LAMP1: variants seen among roughly 807,000 people sequenced by gnomAD.
LAMP1 encodes lysosome associated membrane protein 1.
In LAMP1, 7 loss-of-function variants were observed where a neutral mutation model predicts 37.5. The observed-to-expected ratio is 0.19, with a 90% CI of 0.11 to 0.35. The LOEUF is 0.35. Ranked by LOEUF, LAMP1 falls within the 10% of genes least tolerant of loss-of-function variation. LAMP1 has a pLI of 1.00. For synonymous variants in LAMP1, 236 were observed against 229.1 expected, an observed-to-expected ratio of 1.03 and a Z score of -0.27; for missense variants, 537 against 552.8, an observed-to-expected ratio of 0.97 and a Z score of 0.29.
At chr13:113,304,014 G>A (rs985874678) in intron 1 of LAMP1, among the ~76,000 whole-genome samples, 4 of 152,070 alleles carry the variant, frequency 2.6e-5, no homozygotes, top group African/African-American at 4.8e-5. Context: ...GAACCTGGGA[G>A]GTGGAGGGCT....
chr13:113,307,691 G>A (rs899649404), intron 2 of LAMP1, among the ~76,000 whole-genome samples: 1 of 151,448 alleles, frequency 6.6e-6, no homozygotes, highest in Non-Finnish European at 1.5e-5. Flanking sequence ...ATGTTCCTTA[G>A]TGGTTTTGTT....
rs1212502121 is a variant in LAMP1, at chr13:113,316,613, G to A, written c.563-2856G>A. Among the ~76,000 whole-genome samples the A allele has an allele frequency of 3.9e-5, 6 of 152,132 alleles. No individual in the cohort carries two copies. The East Asian group carries it at 1.2e-3, about 29-fold the overall frequency. ...AATTTTTGTATTTTTAGTAGAGACG[G>A]GGTTTCACCGTGTTAACCAGGATGG... On this transcript the variant is annotated intron_variant, in intron 4 of 8. Transcript: ENST00000332556.
At chr13:113,313,942 G>C (rs572471225) in intron 4 of LAMP1, among the ~76,000 whole-genome samples, 1 of 90,844 alleles carries the variant, frequency 1.1e-5, no homozygotes, top group Non-Finnish European at 1.9e-5. Context: ...CCTAGAGGGA[G>C]TCAGTGTGGA....
At position 113,309,673 on chromosome 13, in the gene LAMP1, A is replaced by C; in HGVS notation, c.214A>C (p.Thr72Pro). Reference protein sequence around the residue: ...NMTFDLPSDATVVLNRSSCGK... With the variant: ...NMTFDLPSDAPVVLNRSSCGK... Reference sequence around the variant, plus strand: ...GACCTTTGACCTGCCATCAGATGCCACAGTGGTGCTCAACCGCAGCTCCTG... The same window carrying C: ...GACCTTTGACCTGCCATCAGATGCCCCAGTGGTGCTCAACCGCAGCTCCTG... Residue 72 changes from threonine (T) to proline (P), a missense_variant, in exon 3 of 9, where the codon ACA becomes CCA. Thr to Pro is a conservative substitution (Grantham distance 38). Transcript: ENST00000332556. 1 of 1,614,156 alleles carries C rather than the reference A, an allele frequency of 6.2e-7. No individual in the cohort carries two copies. The highest frequency in any genetic ancestry group is 1.6e-4 in the Middle Eastern group (1 of 6,062).
At chr13:113,315,813 GCA>G (rs987779471) in intron 4 of LAMP1, among the ~76,000 whole-genome samples, 1 of 151,870 alleles carries the variant, frequency 6.6e-6, no homozygotes, top group African/African-American at 2.4e-5. Context: ...TCAAAGTAGG[GCA>G]CATGTGGCTG....
chr13:113,299,493 G>A (rs749245312), intron 1 of LAMP1, among the ~76,000 whole-genome samples: 35 of 151,670 alleles, frequency 2.3e-4, no homozygotes, highest in Non-Finnish European at 4.3e-4. Context: ...TCGATCTCCC[G>A]ACCTCGTGAT....
intron 2 of LAMP1, among the ~76,000 whole-genome samples, chr13:113,308,435 C>G (rs2042611948): frequency 7.1e-6 from 1 of 141,678 alleles, no homozygotes; most frequent in Non-Finnish European, 1.5e-5. Flanking sequence ...TGGGTTCAAG[C>G]AATTCTTCTG....
At chr13:113,316,019 C>T (rs2042661857) in intron 4 of LAMP1, among the ~76,000 whole-genome samples, 1 of 152,156 alleles carries the variant, frequency 6.6e-6, no homozygotes, top group Non-Finnish European at 1.5e-5. Flanking sequence ...AGGAGAATTG[C>T]TTGAACCCGA....
chr13:113,298,226 G>A (rs1045615591), intron 1 of LAMP1, among the ~76,000 whole-genome samples: 5 of 152,160 alleles, frequency 3.3e-5, no homozygotes, highest in Non-Finnish European at 5.9e-5. Flanking sequence ...TGCGGGACCA[G>A]GGAACACGTG....
rs369159731 is a variant in LAMP1, at chr13:113,321,441, A to G, written c.914A>G (p.Gln305Arg). The G allele has an allele frequency of 2.5e-6, 4 of 1,614,140 alleles. No homozygotes were observed. Among genetic ancestry groups the G allele is most frequent in the South Asian group, 2.2e-5 (2 of 91,090 alleles). ...SSSRFFLQGI[Q>R]LNTILPDARD... ...AGCCGGTTTTTCCTACAAGGAATCC[A>G]GTTGAATACAATTCTTCCTGACGCC... The change falls in exon 7 of 9, where the codon CAG becomes CGG. Residue 305 changes from glutamine to arginine, a missense_variant. By Grantham distance (43) the Gln-to-Arg change is conservative. Transcript: ENST00000332556. The surrounding 1 kb of genome is among the most constrained non-coding windows in gnomAD (Gnocchi z 5.6).
rs777603253 is a variant in LAMP1, at chr13:113,309,763, C to G, written c.304C>G (p.Leu102Val). 2 of 1,614,176 alleles carry G rather than the reference C, an allele frequency of 1.2e-6. No individual in the cohort carries two copies. The highest frequency in any genetic ancestry group is 1.7e-6 in the Non-Finnish European group (2 of 1,180,018). Reference sequence around the variant, plus strand: ...TTTTGGAAGAGGACATACACTCACTCTCAATTTCACGAGAAATGCAACACG... The same window carrying G: ...TTTTGGAAGAGGACATACACTCACTGTCAATTTCACGAGAAATGCAACACG... ...IAFGRGHTLT[L>V]NFTRNATRYS... Residue 102 changes from leucine (L) to valine (V), a missense_variant, in exon 3 of 9, where the codon CTC (leucine) becomes GTC (valine). By Grantham distance (32) the Leu-to-Val change is conservative. Coordinates refer to ENST00000332556, the MANE Select transcript of LAMP1 (RefSeq NM_005561.4).
Position 113,310,719 on chromosome 13 carries a change from T to G in LAMP1, c.414T>G (p.Thr138=). Reference sequence around the variant, plus strand: ...TTTTTTTTAATCTAGAAATCAAGACTGTGGAATCTATAACTGACATCAGGG... The same window carrying G: ...TTTTTTTTAATCTAGAAATCAAGACGGTGGAATCTATAACTGACATCAGGG... ...FPNASSKEIK[T]VESITDIRAD... The change falls in exon 4 of 9, where the codon ACT becomes ACG. Residue 138 remains threonine (T), a synonymous_variant. Transcript: ENST00000332556. 1.3e-6 allele frequency: 2 copies of G among 1,586,602 alleles called. No individual in the cohort carries two copies. Among genetic ancestry groups the G allele is most frequent in the Non-Finnish European group, 1.7e-6 (2 of 1,167,590 alleles).
At chr13:113,306,902 C>T (rs1237461780) in intron 2 of LAMP1, among the ~76,000 whole-genome samples, 5 of 122,936 alleles carry the variant, frequency 4.1e-5, no homozygotes, top group African/African-American at 9.2e-5. Flanking sequence ...TGCAGTGGCG[C>T]GATCTCTGCT....
At chr13:113,316,217 C>T (rs1466888095) in intron 4 of LAMP1, among the ~76,000 whole-genome samples, 1 of 152,144 alleles carries the variant, frequency 6.6e-6, no homozygotes, top group East Asian at 1.9e-4. Context: ...CCAGCCCAGG[C>T]CCATATGGGG....
chr13:113,319,811 G>A (rs2042687535), intron 5 of LAMP1, among the ~76,000 whole-genome samples, 155 bp downstream of exon 5: 1 of 152,226 alleles, frequency 6.6e-6, no homozygotes. Flanking sequence ...ACAAGAGCTG[G>A]CGTCTGTGTC....
chr13:113,322,406 C>T lies in LAMP1; in HGVS notation c.1239C>T (p.Gly413=), dbSNP rs760186534. The part of the protein sequence containing the change: ...YLVGRKRSHA[G]YQTI ...TCGGCAGGAAGAGGAGTCACGCAGG[C>T]TACCAGACTATCTAGCCTGGTGCAC... The change falls in exon 9 of 9, where the codon GGC becomes GGT. Residue 413 remains glycine (G), a synonymous_variant. Coordinates refer to ENST00000332556, the MANE Select transcript of LAMP1 (RefSeq NM_005561.4). The T allele has an allele frequency of 6.2e-7, 1 of 1,613,080 alleles. No individual in the cohort carries two copies.
At chr13:113,316,615 G>T (rs906468818) in intron 4 of LAMP1, among the ~76,000 whole-genome samples, 1 of 152,048 alleles carries the variant, frequency 6.6e-6, no homozygotes, top group African/African-American at 2.4e-5. Context: ...TAGAGACGGG[G>T]TTTCACCGTG....
Position 113,320,386 on chromosome 13 carries a change from G to A in LAMP1, c.792G>A (p.Ser264=), listed in dbSNP as rs768014512. Residue 264 remains serine, a synonymous_variant, in exon 6 of 9, where the codon TCG becomes TCA. Coordinates refer to ENST00000332556, the MANE Select transcript of LAMP1 (RefSeq NM_005561.4). The surrounding 1 kb of genome is among the most constrained non-coding windows in gnomAD (Gnocchi z 4.4). ...RLLNINPNKT[S]ASGSCGAHLV... Reference sequence around the variant, plus strand: ...TCAACATCAACCCCAACAAGACCTCGGCCAGCGGGAGCTGCGGCGCCCACC... The same window carrying A: ...TCAACATCAACCCCAACAAGACCTCAGCCAGCGGGAGCTGCGGCGCCCACC... 12 of 1,613,594 alleles carry A rather than the reference G, an allele frequency of 7.4e-6. No individual in the cohort carries two copies. Among genetic ancestry groups the A allele is most frequent in the South Asian group, 3.3e-5 (3 of 91,082 alleles).
At chr13:113,311,538 T>C (rs1056830031) in intron 4 of LAMP1, among the ~76,000 whole-genome samples, 2 of 152,172 alleles carry the variant, frequency 1.3e-5, no homozygotes, top group African/African-American at 2.4e-5. Flanking sequence ...CATAGTCTTA[T>C]CTCCATCCAG....
Sources: gnomAD v4.1 joint callset for allele counts (sites outside exome capture counted in the v4.1 genomes callset) on GRCh38, gnomAD v4.1.1 for gene constraint, Gnocchi (gnomAD v3.1) non-coding constraint, MANE v1.5 for transcripts, NCBI Gene and HGNC (gene_info 2026-07-23, HGNC 2026-07-21) for gene names.